The following GRM1 variants were observed in gnomAD, a reference collection of about 807,000 sequenced individuals.
The protein encoded by GRM1 is metabotropic glutamate receptor 1.
Under a neutral mutation model 90.9 loss-of-function variants are expected in GRM1, and 33 were observed. The ratio of observed to expected loss-of-function variants is 0.36; its 90% CI spans 0.28 to 0.49. The LOEUF is 0.49. Ranked by LOEUF, GRM1 falls within the 20% of genes least tolerant of loss-of-function variation. The pLI is 0.99. For synonymous variants in GRM1, 700 were observed against 613.2 expected (o/e 1.14, Z -2.09); for missense variants, 1,190 against 1,534.3 (o/e 0.78, Z 3.75).
chr6:146,376,976 G>GCT (rs952189038), intron 5 of GRM1, among the ~76,000 whole-genome samples: 2 of 152,006 alleles, frequency 1.3e-5, no homozygotes, highest in Non-Finnish European at 2.9e-5. Context: ...CCCTGCACAT[G>GCT]CTCTCTCTCT....
At chr6:146,042,717 G>T (rs1219461349) in intron 1 of GRM1, among the ~76,000 whole-genome samples, 1 of 151,996 alleles carries the variant, frequency 6.6e-6, no homozygotes, top group African/African-American at 2.4e-5. Flanking sequence ...CATATTCCTA[G>T]TAGTGTTAGT....
rs951748174 is a variant in GRM1, at chr6:146,245,092, C to T, written c.951-59519C>T. On this transcript the variant is annotated intron_variant, in intron 2 of 7. Transcript: ENST00000282753. ...TTTTGTTCTCAAGGTTAATTGCAGT[C>T]CCTATGCCCTGTTTACACTTTAACG... 2.6e-5 allele frequency among the ~76,000 whole-genome samples: 4 copies of T among 152,216 alleles called. No homozygotes were observed. The South Asian group carries it at 8.3e-4, about 32-fold the overall frequency.
At chr6:146,299,269 G>T (rs1048099706) in intron 2 of GRM1, among the ~76,000 whole-genome samples, 1 of 151,932 alleles carries the variant, frequency 6.6e-6, no homozygotes, top group Non-Finnish European at 1.5e-5. Context: ...TATTATAATT[G>T]TAACTTTAAT....
At chr6:146,429,812 C>T (rs981345916) in intron 7 of GRM1, among the ~76,000 whole-genome samples, 3 of 152,174 alleles carry the variant, frequency 2.0e-5, no homozygotes, top group African/African-American at 7.2e-5. Flanking sequence ...ACAAATGCTA[C>T]CCTCCTCAGG....
intron 4 of GRM1, 124 bp downstream of exon 4, chr6:146,352,620 C>CA: frequency 1.1e-6 from 1 of 914,800 alleles, no homozygotes. Flanking sequence ...AACTAGGTAG[C>CA]AAAAAGTCCA....
At chr6:146,285,486 CT>C (rs1257326916) in intron 2 of GRM1, among the ~76,000 whole-genome samples, 1 of 152,166 alleles carries the variant, frequency 6.6e-6, no homozygotes, top group African/African-American at 2.4e-5. Context: ...ACACACTTTT[CT>C]TCTGTTTTCC....
At chr6:146,349,525 TG>T (rs2115035304) in intron 3 of GRM1, among the ~76,000 whole-genome samples, 1 of 152,350 alleles carries the variant, frequency 6.6e-6, no homozygotes, top group African/African-American at 2.4e-5. Flanking sequence ...CCAATCGACA[TG>T]ATACTGTCTC....
At chr6:146,233,073 G>A (rs1780501357) in intron 2 of GRM1, among the ~76,000 whole-genome samples, 1 of 151,808 alleles carries the variant, frequency 6.6e-6, no homozygotes, top group Admixed American at 6.6e-5. Context: ...ACAGCTCATA[G>A]TTTATTTTGT....
Position 146,434,685 on chromosome 6 carries a change from C to A in GRM1, c.3474C>A (p.Gly1158=), listed in dbSNP as rs1255262825. The change falls in exon 8 of 8, where the codon GGC becomes GGA. Residue 1158 remains glycine (G), a synonymous_variant. Coordinates refer to ENST00000282753, the MANE Select transcript of GRM1 (RefSeq NM_001278064.2). ...CTTTCCGCGACTCGGTGGCCTCGGG[C>A]AGCTCGGTGCCCAGCTCCCCCGTGT... ...PSPFRDSVAS[G]SSVPSSPVSE... The A allele has an allele frequency of 3.7e-6, 6 of 1,605,498 alleles. No individual in the cohort carries two copies. Among genetic ancestry groups the A allele is most frequent in the Non-Finnish European group, 3.4e-6 (4 of 1,179,944 alleles).
intron 3 of GRM1, among the ~76,000 whole-genome samples, chr6:146,340,834 G>A (rs554849234): frequency 7.9e-5 from 12 of 152,268 alleles, no homozygotes; most frequent in African/African-American, 2.2e-4. Flanking sequence ...GTGAGCCACC[G>A]CGCCCTGCCC....
At chr6:146,028,232 AGTGTGTGTGTGTGT>A (rs60190108), upstream of GRM1, among the ~76,000 whole-genome samples, 22 of 130,362 alleles carry the variant, frequency 1.7e-4, no homozygotes, top group East Asian at 2.2e-3. Flanking sequence ...AGTGGAAGGG[AGTGTGTGTGTGTGT>A]GTGTGTGTGT....
chr6:146,381,242 C>G lies in GRM1; in HGVS notation c.1603-5648C>G, dbSNP rs111798118. On this transcript the variant is annotated intron_variant, in intron 5 of 7. Transcript: ENST00000282753. ...TGATCTAGACTGCCTTTCAAGTTTA[C>G]TTGGAGAAACAGTATCCTGTTGCCC... 1.4e-4 allele frequency among the ~76,000 whole-genome samples: 22 copies of G among 152,322 alleles called. 1 individual carries two copies. Among genetic ancestry groups the G allele is most frequent in the African/African-American group, 4.8e-4 (20 of 41,580 alleles).
chr6:146,094,489 A>G (rs1222650890), intron 1 of GRM1, among the ~76,000 whole-genome samples: 2 of 152,154 alleles, frequency 1.3e-5, no homozygotes, highest in Non-Finnish European at 2.9e-5. Flanking sequence ...CATGACTGCT[A>G]TAGGGCGTAT....
intron 1 of GRM1, among the ~76,000 whole-genome samples, chr6:146,076,431 G>A (rs1209436727): frequency 6.6e-6 from 1 of 152,164 alleles, no homozygotes; most frequent in East Asian, 1.9e-4. Context: ...AGGATGATGT[G>A]GGCTTGGGTC....
intron 1 of GRM1, among the ~76,000 whole-genome samples, chr6:146,147,676 T>C (rs1777163342): frequency 6.6e-6 from 1 of 152,208 alleles, no homozygotes. Context: ...AGAAGTCCTC[T>C]ATGAGCCAGC....
intron 2 of GRM1, among the ~76,000 whole-genome samples, chr6:146,209,041 T>G (rs1200561340): frequency 2.6e-5 from 4 of 152,166 alleles, no homozygotes; most frequent in Admixed American, 2.0e-4. Context: ...TATTTATTAC[T>G]CTATTCCTGA....
intron 3 of GRM1, among the ~76,000 whole-genome samples, chr6:146,315,621 C>A (rs140313617): frequency 1.3e-5 from 2 of 152,148 alleles, no homozygotes; most frequent in Non-Finnish European, 2.9e-5. Context: ...CTATATTAAT[C>A]TGGGTCCTAC....
At chr6:146,313,878 G>A (rs1238033895) in intron 3 of GRM1, among the ~76,000 whole-genome samples, 1 of 151,606 alleles carries the variant, frequency 6.6e-6, no homozygotes, top group Admixed American at 6.6e-5. Flanking sequence ...CCCATCCCCA[G>A]GCAGTCACTT....
intron 2 of GRM1, among the ~76,000 whole-genome samples, chr6:146,220,158 A>G (rs1158487203): frequency 6.6e-6 from 1 of 152,136 alleles, no homozygotes; most frequent in Non-Finnish European, 1.5e-5. Flanking sequence ...AAATAATATC[A>G]TCTGTAGGTG....
Sources: gnomAD v4.1 joint callset for allele counts (sites outside exome capture counted in the v4.1 genomes callset) on GRCh38, gnomAD v4.1.1 for gene constraint, MANE v1.5 for transcripts, NCBI Gene and HGNC (gene_info 2026-07-23, HGNC 2026-07-21) for gene names.